The following SNX25 variants were observed in gnomAD, a reference collection of about 807,000 sequenced individuals.
The protein encoded by SNX25 is sorting nexin 25.
SNX25 carries 62 observed loss-of-function variants against 113.7 expected under a neutral mutation model. The ratio of observed to expected loss-of-function variants is 0.55; its 90% CI spans 0.44 to 0.67. The LOEUF is 0.67. Ranked by LOEUF, SNX25 falls within the 30% of genes least tolerant of loss-of-function variation. The probability of loss-of-function intolerance (pLI) is 0.00; values close to 1 mark genes in which losing one functional copy is unlikely to be tolerated. For synonymous variants in SNX25, 421 were observed against 436.2 expected (o/e 0.97, Z 0.43); for missense variants, 1,014 against 1,161.0 (o/e 0.87, Z 1.84).
chr4:185,300,198 C>T (rs959159389), intron 6 of SNX25, among the ~76,000 whole-genome samples: 4 of 151,624 alleles, frequency 2.6e-5, no homozygotes, highest in Non-Finnish European at 4.4e-5. Context: ...CTCGCTCTGT[C>T]GCCCAGGCCG....
At chr4:185,267,797 T>C (rs1326759014) in intron 5 of SNX25, among the ~76,000 whole-genome samples, 4 of 152,188 alleles carry the variant, frequency 2.6e-5, no homozygotes, top group Non-Finnish European at 5.9e-5. Flanking sequence ...ACCAAAGCCT[T>C]ACTAATAACA....
intron 8 of SNX25, among the ~76,000 whole-genome samples, chr4:185,322,844 G>A (rs1317244425): frequency 1.3e-5 from 2 of 152,188 alleles, no homozygotes; most frequent in Non-Finnish European, 2.9e-5. Context: ...AACATTCTGG[G>A]ATGTATGTTA....
chr4:185,339,455 C>A lies in SNX25; in HGVS notation c.1991C>A (p.Thr664Lys). 6.2e-7 allele frequency: 1 copy of A among 1,614,000 alleles called. No individual in the cohort carries two copies. The highest frequency in any genetic ancestry group is 8.5e-7 in the Non-Finnish European group (1 of 1,179,918). Residue 664 changes from threonine to lysine, a missense_variant, in exon 11 of 19, where the codon ACG becomes AAG. Transcript: ENST00000652585. ...GACCTTCAGCTGCACATGGCAAGAA[C>A]GGATTGGTGGTGTGAAAACCTTGGC... ...RTDLQLHMAR[T>K]DWWCENLGMW... is the part of the protein sequence containing the mutation.
intron 2 of SNX25, among the ~76,000 whole-genome samples, chr4:185,257,343 C>T (rs927462942): frequency 3.9e-5 from 6 of 152,130 alleles, no homozygotes; most frequent in African/African-American, 1.4e-4. Flanking sequence ...GACCTAGCTT[C>T]TTGCAAACAT....
At chr4:185,246,106 G>C (rs3108255) in intron 1 of SNX25, among the ~76,000 whole-genome samples, 73,385 of 151,848 alleles carry the variant, frequency 0.48, 18,426 homozygotes, top group East Asian at 0.56. Flanking sequence ...GCCAACATGG[G>C]AAAAACCCAT....
At chr4:185,222,138 C>G (rs187108842) in intron 1 of SNX25, among the ~76,000 whole-genome samples, 1 of 141,254 alleles carries the variant, frequency 7.1e-6, no homozygotes, top group Non-Finnish European at 1.5e-5. Flanking sequence ...CATATACCCC[C>G]CATTCACTGT....
At chr4:185,207,960 A>G (rs1406102827), upstream of SNX25, among the ~76,000 whole-genome samples, 4 of 152,238 alleles carry the variant, frequency 2.6e-5, no homozygotes, top group Admixed American at 6.5e-5. Context: ...CAAAAAACAT[A>G]GATTTGGTTG....
chr4:185,341,964 G>T lies in SNX25; in HGVS notation c.2047-12G>T. The stretch of plus-strand genomic sequence containing the variant: ...GCTTTTTGTAAGTATCGATTTTGAT[G>T]TTTTCCCCAAGGTTACAGAAGAGAA... On this transcript the variant is annotated splice_polypyrimidine_tract_variant and intron_variant, in intron 11 of 18. Coordinates refer to ENST00000652585, the MANE Select transcript of SNX25 (RefSeq NM_001378034.2). 1 of 1,569,988 alleles carries T rather than the reference G, an allele frequency of 6.4e-7. No individual in the cohort carries two copies. Among genetic ancestry groups the T allele is most frequent in the Non-Finnish European group, 8.6e-7 (1 of 1,161,744 alleles).
chr4:185,351,548 A>C lies in SNX25; in HGVS notation c.2405A>C (p.Asn802Thr). 7.4e-6 allele frequency: 12 copies of C among 1,614,148 alleles called. No homozygotes were observed. The highest frequency in any genetic ancestry group is 1.0e-5 in the Non-Finnish European group (12 of 1,180,044). The change falls in exon 14 of 19, where the codon AAT (asparagine) becomes ACT (threonine). Residue 802 changes from asparagine to threonine, a missense_variant. Asn to Thr is a moderately conservative substitution (Grantham distance 65, BLOSUM62 0). Coordinates refer to ENST00000652585, the MANE Select transcript of SNX25 (RefSeq NM_001378034.2). Reference sequence around the variant, plus strand: ...GTTATCGACGTGCAGGGGAAAAAAAATTCTTTTTCATTATCCTCATTTTTG... The same window carrying C: ...GTTATCGACGTGCAGGGGAAAAAAACTTCTTTTTCATTATCCTCATTTTTG... ...LKVIDVQGKK[N>T]SFSLSSFLER...
intron 11 of SNX25, among the ~76,000 whole-genome samples, chr4:185,369,337 C>T (rs950551727): frequency 6.6e-5 from 10 of 151,172 alleles, no homozygotes; most frequent in Admixed American, 4.6e-4. Context: ...CCTGCCTCAG[C>T]CTCGCGAGTA....
intron 1 of SNX25, among the ~76,000 whole-genome samples, chr4:185,242,446 C>T (rs780850020): frequency 1.3e-5 from 2 of 152,178 alleles, no homozygotes; most frequent in Non-Finnish European, 2.9e-5. Flanking sequence ...ATTTGAGGTG[C>T]CCATGAGCCC....
In SNX25 at chr4:185,210,155, T is replaced by G; in HGVS notation, c.329T>G (p.Leu110Arg). 2.0e-6 allele frequency: 2 copies of G among 984,094 alleles called. No homozygotes were observed. The highest frequency in any genetic ancestry group is 2.4e-6 in the Non-Finnish European group (2 of 829,612). The allele number at this position is 984,094 out of a possible 1,614,324, so 61.0% of individuals were successfully genotyped here. Residue 110 changes from leucine (L) to arginine (R), a missense_variant, in exon 1 of 19, where the codon CTG (leucine) becomes CGG (arginine). Leu to Arg is a moderately radical substitution (Grantham distance 102, BLOSUM62 -2). Coordinates refer to ENST00000652585, the MANE Select transcript of SNX25 (RefSeq NM_001378034.2). This position sits in a 1 kb window ranked among gnomAD's most constrained non-coding sequence, Gnocchi z 4.4. Reference sequence around the variant, plus strand: ...GCGGCCGCCTTCCTGCTGGGGATCCTGTTTGCCCTCGTCTGCCGGAGCCCG... The same window carrying G: ...GCGGCCGCCTTCCTGCTGGGGATCCGGTTTGCCCTCGTCTGCCGGAGCCCG... ...CAAAAFLLGI[L>R]FALVCRSPRA...
At chr4:185,350,803 G>A (rs1381942747) in intron 13 of SNX25, among the ~76,000 whole-genome samples, 3 of 152,296 alleles carry the variant, frequency 2.0e-5, no homozygotes, top group South Asian at 2.1e-4. Context: ...CAGAAGTTGC[G>A]GTGAGCCAAG....
Position 185,342,096 on chromosome 4 carries a change from T to C in SNX25, c.2167T>C (p.Leu723=), listed in dbSNP as rs781029900. Reference sequence around the variant, plus strand: ...CAGAAGGCTCAGCGAGTTTCAGAATTTACACCGGAAACTCAGTGAGGTATG... The same window carrying C: ...CAGAAGGCTCAGCGAGTTTCAGAATCTACACCGGAAACTCAGTGAGGTATG... The part of the protein sequence containing the change: ...VPRRLSEFQN[L]HRKLSECVPS... Residue 723 remains leucine (L), a synonymous_variant, in exon 12 of 19, where the codon TTA becomes CTA. Coordinates refer to ENST00000652585, the MANE Select transcript of SNX25 (RefSeq NM_001378034.2). 4 of 1,601,932 alleles carry C rather than the reference T, an allele frequency of 2.5e-6. No individual in the cohort carries two copies. Among genetic ancestry groups the C allele is most frequent in the Non-Finnish European group, 3.4e-6 (4 of 1,175,266 alleles).
chr4:185,246,949 G>A (rs186665412), intron 1 of SNX25, among the ~76,000 whole-genome samples: 24 of 152,204 alleles, frequency 1.6e-4, no homozygotes, highest in Non-Finnish European at 3.2e-4. Flanking sequence ...GCTGAGTAGT[G>A]TGTGGTTTTT....
intron 5 of SNX25, among the ~76,000 whole-genome samples, chr4:185,278,386 T>G (rs1750059498): frequency 1.3e-5 from 2 of 152,264 alleles, no homozygotes; most frequent in Admixed American, 6.5e-5. Flanking sequence ...TTTTTGAAGC[T>G]GCATGACCTT....
chr4:185,269,708 CAGAA>C (rs1162631561), intron 5 of SNX25, among the ~76,000 whole-genome samples: 1 of 152,100 alleles, frequency 6.6e-6, no homozygotes, highest in African/African-American at 2.4e-5. Context: ...ATGGAGGAAA[CAGAA>C]AGGCATCAGA....
chr4:185,221,082 G>T (rs1350338533), intron 1 of SNX25, among the ~76,000 whole-genome samples: 1 of 151,310 alleles, frequency 6.6e-6, no homozygotes, highest in East Asian at 2.0e-4. Flanking sequence ...GCCCGGGCTG[G>T]AGTGCAGTGG....
chr4:185,247,172 C>A, intron 1 of SNX25, 122 bp from the exon 2 acceptor site: 1 of 636,096 alleles, frequency 1.6e-6, no homozygotes, highest in African/African-American at 1.9e-5. Flanking sequence ...GGAAAAACTT[C>A]TGTTATTCGT....
Sources: gnomAD v4.1 joint callset for allele counts (sites outside exome capture counted in the v4.1 genomes callset) on GRCh38, gnomAD v4.1.1 for gene constraint, Gnocchi (gnomAD v3.1) non-coding constraint, MANE v1.5 for transcripts, NCBI Gene and HGNC (gene_info 2026-07-23, HGNC 2026-07-21) for gene names.